PRKN: variants seen among roughly 807,000 people sequenced by gnomAD.
PRKN encodes parkin RBR E3 ubiquitin protein ligase, also known as E3 ubiquitin-protein ligase parkin.
A neutral mutation model predicts 59.5 loss-of-function variants in PRKN; 56 were observed. The observed-to-expected ratio is 0.94, with a 90% CI of 0.76 to 1.18. The LOEUF is 1.18. PRKN is among the 50% of genes most tolerant of loss of function. The probability of loss-of-function intolerance (pLI) is 0.00; values close to 1 mark genes in which losing one functional copy is unlikely to be tolerated. For synonymous variants in PRKN, 250 were observed against 222.1 expected (o/e 1.13, Z -1.12); for missense variants, 657 against 596.4 (o/e 1.10, Z -1.06).
rs61153926 is a variant in PRKN at position 162,359,077 on chromosome 6, A to AT, written c.171+84232_171+84233insA. On this transcript the variant is annotated intron_variant, in intron 2 of 11. Transcript: ENST00000366898. ...ACTGTGGCAAAAAAAAAAAAAAAAA[A>AT]AAATATATATATATATATATGAAAT... 4.5e-3 allele frequency among the ~76,000 whole-genome samples: 430 copies of AT among 96,056 alleles called. 1 individual carries two copies. Among genetic ancestry groups the AT allele is most frequent in the African/African-American group, 0.012 (210 of 17,604 alleles). The allele number at this position is 96,056 out of a possible 152,430, so 63.0% of individuals were successfully genotyped here.
chr6:161,387,408 T>C (rs1389880421), intron 9 of PRKN, among the ~76,000 whole-genome samples: 3 of 152,242 alleles, frequency 2.0e-5, no homozygotes, highest in Non-Finnish European at 4.4e-5. Flanking sequence ...TCCACCATGA[T>C]TGTGAATTTC....
intron 1 of PRKN, among the ~76,000 whole-genome samples, chr6:162,573,329 C>T (rs1780428410): frequency 6.6e-6 from 1 of 152,164 alleles, no homozygotes. Context: ...CTCTCGTGCA[C>T]AGGCAGGCCC....
intron 7 of PRKN, among the ~76,000 whole-genome samples, chr6:161,748,309 T>G (rs762133487): frequency 6.6e-6 from 1 of 152,158 alleles, no homozygotes; most frequent in South Asian, 2.1e-4. Flanking sequence ...ACACGTCTTT[T>G]TTTTTTCTTT....
At chr6:161,464,825 T>TA (rs1790380514) in intron 9 of PRKN, among the ~76,000 whole-genome samples, 1 of 152,200 alleles carries the variant, frequency 6.6e-6, no homozygotes, top group South Asian at 2.1e-4. Flanking sequence ...TAGTCAAATG[T>TA]CAGGTAAAAC....
At chr6:162,688,954 A>G (rs1361517816) in intron 1 of PRKN, among the ~76,000 whole-genome samples, 1 of 152,224 alleles carries the variant, frequency 6.6e-6, no homozygotes, top group Non-Finnish European at 1.5e-5. Context: ...ACCATGCTAA[A>G]CCAAAGATAG....
intron 9 of PRKN, among the ~76,000 whole-genome samples, chr6:161,528,154 T>C (rs1779079645): frequency 6.6e-6 from 1 of 152,254 alleles, no homozygotes; most frequent in Non-Finnish European, 1.5e-5. Context: ...ATTTTTCATT[T>C]GTGACTTTAC....
chr6:161,979,658 C>G (rs1483936014), intron 5 of PRKN, among the ~76,000 whole-genome samples: 1 of 152,148 alleles, frequency 6.6e-6, no homozygotes, highest in Non-Finnish European at 1.5e-5. Flanking sequence ...ATGCTTTTAC[C>G]ATTTCTCTGG....
At chr6:162,393,084 C>G (rs539054591) in intron 2 of PRKN, among the ~76,000 whole-genome samples, 1 of 151,050 alleles carries the variant, frequency 6.6e-6, no homozygotes, top group South Asian at 2.1e-4. Flanking sequence ...GGTGACTGTT[C>G]TGGCAGAATC....
rs1787881699 is a variant in PRKN, at chr6:161,417,011, G to A, written c.1084-30134C>T. Among the ~76,000 whole-genome samples the A allele has an allele frequency of 6.6e-6, 1 of 152,186 alleles. No individual in the cohort carries two copies. The highest frequency in any genetic ancestry group is 2.1e-4 in the South Asian group (1 of 4,836). ...GATGGAGGAAAGAACTCTGGAGGGA[G>A]ATGGGGCCGAGGAAGGAGTAGGAGG... On this transcript the variant is annotated intron_variant, in intron 9 of 11. Coordinates refer to ENST00000366898, the MANE Select transcript of PRKN (RefSeq NM_004562.3). The surrounding 1 kb of genome is among the most constrained non-coding windows in gnomAD (Gnocchi z 5.4).
intron 2 of PRKN, among the ~76,000 whole-genome samples, chr6:162,392,944 T>G (rs1298010874): frequency 2.6e-5 from 4 of 151,942 alleles, no homozygotes; most frequent in Non-Finnish European, 5.9e-5. Flanking sequence ...CTAAGCTTTC[T>G]CTGACTAGGC....
chr6:162,061,370 A>T (rs1249596826), intron 4 of PRKN, among the ~76,000 whole-genome samples: 2 of 152,222 alleles, frequency 1.3e-5, no homozygotes, highest in Non-Finnish European at 2.9e-5. Context: ...CTCAAAATAG[A>T]ACTGCCTGAA....
In PRKN at chr6:161,454,713, C is replaced by T. The variant is rs898029937; in HGVS notation, c.1084-67836G>A. On this transcript the variant is annotated intron_variant, in intron 9 of 11. Coordinates refer to ENST00000366898, the MANE Select transcript of PRKN (RefSeq NM_004562.3). The surrounding 1 kb of genome is among the most constrained non-coding windows in gnomAD (Gnocchi z 4.6). ...TGAGAAATCCAGCCCACCATTAGGG[C>T]TACTGAAGTCCCATTAGGTTGACTA... 6.6e-6 allele frequency among the ~76,000 whole-genome samples: 1 copy of T among 152,150 alleles called. No homozygotes were observed. Among genetic ancestry groups the T allele is most frequent in the Non-Finnish European group, 1.5e-5 (1 of 68,026 alleles).
At chr6:161,973,762 T>C (rs1583426001) in intron 5 of PRKN, among the ~76,000 whole-genome samples, 1 of 152,026 alleles carries the variant, frequency 6.6e-6, no homozygotes, top group East Asian at 1.9e-4. Flanking sequence ...CTCTCACTAA[T>C]GAGGAAAGGG....
chr6:162,535,421 T>A (rs1336486619), intron 1 of PRKN, among the ~76,000 whole-genome samples: 1 of 152,050 alleles, frequency 6.6e-6, no homozygotes, highest in Non-Finnish European at 1.5e-5. Flanking sequence ...CATATATACC[T>A]GAAAATACAC....
In PRKN at chr6:161,477,385, C is replaced by T. The variant is rs538218388; in HGVS notation, c.1083+71469G>A. ...ATACAAAATTATCCAGGCGTGGTGG[C>T]ACATGCCTATAATCCCAGCTACTCG... On this transcript the variant is annotated intron_variant, in intron 9 of 11. Transcript: ENST00000366898. Among the ~76,000 whole-genome samples the T allele has an allele frequency of 3.3e-3, 497 of 151,960 alleles. 8 individuals carry two copies. Among genetic ancestry groups the T allele is most frequent in the Non-Finnish European group, 8.1e-4 (55 of 67,974 alleles).
At chr6:162,339,124 C>G (rs1484107687) in intron 2 of PRKN, among the ~76,000 whole-genome samples, 3 of 144,276 alleles carry the variant, frequency 2.1e-5, no homozygotes, top group Non-Finnish European at 4.6e-5. Context: ...AGTGAGGAGC[C>G]CCTCCGCCCG....
chr6:161,873,860 G>C (rs1037770268), intron 6 of PRKN, among the ~76,000 whole-genome samples: 1 of 127,478 alleles, frequency 7.8e-6, no homozygotes, highest in Non-Finnish European at 1.6e-5. Flanking sequence ...ACTTTTAAAA[G>C]ACCTGTTTTT....
chr6:162,482,682 T>C (rs750365446), intron 1 of PRKN, among the ~76,000 whole-genome samples: 3 of 152,150 alleles, frequency 2.0e-5, no homozygotes, highest in Non-Finnish European at 4.4e-5. Flanking sequence ...GTATACTATG[T>C]AAAATGGATA....
rs1786919539 is a variant in PRKN, at chr6:161,399,328, G to A, written c.1084-12451C>T. ...TGGAAAGCTGTCACACTGGCCCTCT[G>A]CCCTTGCAAAAAGGCAGAGGGTCCA... On this transcript the variant is annotated intron_variant, in intron 9 of 11. Transcript: ENST00000366898. The surrounding 1 kb of genome is among the most constrained non-coding windows in gnomAD (Gnocchi z 4.4). Among the ~76,000 whole-genome samples the A allele has an allele frequency of 6.6e-6, 1 of 152,140 alleles. No individual in the cohort carries two copies. Among genetic ancestry groups the A allele is most frequent in the Non-Finnish European group, 1.5e-5 (1 of 68,024 alleles).
Sources: gnomAD v4.1 joint callset for allele counts (sites outside exome capture counted in the v4.1 genomes callset) on GRCh38, gnomAD v4.1.1 for gene constraint, Gnocchi (gnomAD v3.1) non-coding constraint, MANE v1.5 for transcripts, NCBI Gene and HGNC (gene_info 2026-07-23, HGNC 2026-07-21) for gene names.